CACNA2D3: variants seen among roughly 807,000 people sequenced by gnomAD.
CACNA2D3 encodes the protein calcium voltage-gated channel auxiliary subunit alpha2delta 3.
In CACNA2D3, 60 loss-of-function variants were observed where a neutral mutation model predicts 160.6. The ratio of observed to expected loss-of-function variants is 0.37; its 90% confidence interval spans 0.30 to 0.46. The LOEUF (loss-of-function observed/expected upper bound fraction) is 0.46. CACNA2D3 is among the 20% of genes least tolerant of loss of function. The probability of loss-of-function intolerance (pLI) is 1.00; values close to 1 mark genes in which losing one functional copy is unlikely to be tolerated. For synonymous variants in CACNA2D3, 558 were observed against 492.9 expected (o/e 1.13, Z -1.75); for missense variants, 1,205 against 1,365.0 (o/e 0.88, Z 1.85).
At chr3:54,268,241 G>C (rs1384301246) in intron 2 of CACNA2D3, among the ~76,000 whole-genome samples, 1 of 152,128 alleles carries the variant, frequency 6.6e-6, no homozygotes, top group Non-Finnish European at 1.5e-5. Flanking sequence ...GGGTCATACA[G>C]CCTTCATGTG....
At chr3:54,736,388 C>A (rs529314982) in intron 11 of CACNA2D3, among the ~76,000 whole-genome samples, 1 of 151,830 alleles carries the variant, frequency 6.6e-6, no homozygotes, top group Non-Finnish European at 1.5e-5. Flanking sequence ...TAAATTCTTT[C>A]TGCTAAATCT....
In CACNA2D3 at chr3:55,018,106, C is replaced by T. The variant is rs1703367251; in HGVS notation, c.2876-100C>T. The T allele has an allele frequency of 1.3e-5, 9 of 704,648 alleles. No homozygotes were observed. The East Asian group carries it at 2.4e-4, about 19-fold the overall frequency. 43.6% of individuals were successfully genotyped at this position (704,648 alleles called of 1,614,324 possible). On this transcript the variant is annotated intron_variant, in intron 34 of 37. Coordinates refer to ENST00000474759, the MANE Select transcript of CACNA2D3 (RefSeq NM_018398.3). ...CTGTGCTAGAAAAATCACAGAGCAG[C>T]AGAAGCGGAACTGTGTTCTGGGTTG...
At chr3:54,661,688 C>T (rs914952391) in intron 11 of CACNA2D3, among the ~76,000 whole-genome samples, 3 of 152,076 alleles carry the variant, frequency 2.0e-5, no homozygotes, top group Non-Finnish European at 2.9e-5. Flanking sequence ...TCTGCTTCCA[C>T]CTCTTGTAAG....
chr3:54,316,271 T>C (rs1347942312), intron 2 of CACNA2D3, among the ~76,000 whole-genome samples: 1 of 152,216 alleles, frequency 6.6e-6, no homozygotes, highest in African/African-American at 2.4e-5. Context: ...TTTTCTACTG[T>C]AGGTACCTTT....
At chr3:54,344,954 C>A (rs1467398748) in intron 3 of CACNA2D3, among the ~76,000 whole-genome samples, 1 of 152,182 alleles carries the variant, frequency 6.6e-6, no homozygotes, top group Non-Finnish European at 1.5e-5. Flanking sequence ...CGGGAGTGAC[C>A]TCTGGTCGTC....
At chr3:54,853,577 T>G (rs1185508222) in intron 17 of CACNA2D3, among the ~76,000 whole-genome samples, 1 of 152,166 alleles carries the variant, frequency 6.6e-6, no homozygotes, top group African/African-American at 2.4e-5. Flanking sequence ...CTATGCTATT[T>G]AATGGAGACA....
chr3:54,181,842 A>G (rs1361641302), intron 2 of CACNA2D3, among the ~76,000 whole-genome samples: 2 of 152,170 alleles, frequency 1.3e-5, no homozygotes, highest in African/African-American at 4.8e-5. Context: ...GGACCCCCTC[A>G]TGGCATGATT....
In CACNA2D3 at chr3:54,999,585, T is replaced by G. The variant is rs139346018; in HGVS notation, c.2691-5178T>G. Among the ~76,000 whole-genome samples the G allele has an allele frequency of 4.9e-4, 75 of 152,336 alleles. 1 individual carries two copies. The East Asian group carries it at 0.012, about 24-fold the overall frequency. ...TGCAGACATTAAGCTGTTTCAAGAT[T>G]GTTTTTAGGCCAGTTGTTTAGCCAA... On this transcript the variant is annotated intron_variant, in intron 31 of 37. Coordinates refer to ENST00000474759, the MANE Select transcript of CACNA2D3 (RefSeq NM_018398.3).
intron 5 of CACNA2D3, 66 bp from the exon 6 acceptor site, chr3:54,562,734 G>T: frequency 1.4e-6 from 2 of 1,413,992 alleles, no homozygotes; most frequent in Non-Finnish European, 2.0e-6. Context: ...AGCAGCGTGG[G>T]ATGCCAGGAA....
chr3:54,735,293 A>G (rs1460056847), intron 11 of CACNA2D3, among the ~76,000 whole-genome samples: 1 of 152,080 alleles, frequency 6.6e-6, no homozygotes, highest in South Asian at 2.1e-4. Context: ...AGAAGCCATG[A>G]CCTCTGGGAA....
intron 14 of CACNA2D3, among the ~76,000 whole-genome samples, chr3:54,833,062 T>G (rs1275411243): frequency 2.6e-5 from 4 of 152,224 alleles, no homozygotes; most frequent in Admixed American, 2.6e-4. Context: ...CATATTCATA[T>G]GAGCCTACAT....
At chr3:54,579,089 G>T (rs902755561) in intron 8 of CACNA2D3, among the ~76,000 whole-genome samples, 1 of 152,154 alleles carries the variant, frequency 6.6e-6, no homozygotes, top group East Asian at 1.9e-4. Flanking sequence ...TTTTGAGAGT[G>T]TGTATTAGGT....
intron 11 of CACNA2D3, among the ~76,000 whole-genome samples, chr3:54,705,891 G>A (rs1559554372): frequency 7.7e-6 from 1 of 129,938 alleles, no homozygotes; most frequent in Non-Finnish European, 1.8e-5. Flanking sequence ...CAGTGATACT[G>A]ACTCTCATGC....
intron 35 of CACNA2D3, among the ~76,000 whole-genome samples, chr3:55,036,867 C>T (rs1288340481): frequency 6.6e-6 from 1 of 152,112 alleles, no homozygotes; most frequent in Non-Finnish European, 1.5e-5. Flanking sequence ...GAATATTTAG[C>T]AGTAGTTCCT....
chr3:54,763,833 A>ACG (rs1702156242), intron 12 of CACNA2D3, among the ~76,000 whole-genome samples: 1 of 73,870 alleles, frequency 1.4e-5, no homozygotes, highest in Non-Finnish European at 2.8e-5. Context: ...ACGTATATAT[A>ACG]TGTATATATA....
chr3:54,677,792 C>T (rs774818835), intron 11 of CACNA2D3, among the ~76,000 whole-genome samples: 2 of 151,828 alleles, frequency 1.3e-5, no homozygotes, highest in Non-Finnish European at 2.9e-5. Flanking sequence ...TTGTAGTGAC[C>T]ACAGGAGTAA....
At chr3:54,476,660 A>G (rs1265133325) in intron 4 of CACNA2D3, among the ~76,000 whole-genome samples, 1 of 152,058 alleles carries the variant, frequency 6.6e-6, no homozygotes, top group Admixed American at 6.6e-5. Context: ...GTGATTAGTG[A>G]TGTTGATCAC....
chr3:54,490,085 A>C (rs1364399177), intron 4 of CACNA2D3, among the ~76,000 whole-genome samples: 6 of 152,160 alleles, frequency 3.9e-5, no homozygotes, highest in Non-Finnish European at 5.9e-5. Flanking sequence ...ATTCCTACTA[A>C]TTTTTATTTT....
intron 28 of CACNA2D3, among the ~76,000 whole-genome samples, chr3:54,969,360 A>G (rs921619118): frequency 4.6e-5 from 7 of 150,786 alleles, no homozygotes; most frequent in African/African-American, 1.7e-4. Flanking sequence ...CCCTGGTTCA[A>G]GTGATTCTCC....
Sources: gnomAD v4.1 joint callset for allele counts (sites outside exome capture counted in the v4.1 genomes callset) on GRCh38, gnomAD v4.1.1 for gene constraint, MANE v1.5 for transcripts, NCBI Gene and HGNC (gene_info 2026-07-23, HGNC 2026-07-21) for gene names.